Variants in MBNL2 observed in about 807,000 individuals in gnomAD.
MBNL2 encodes muscleblind like splicing regulator 2, also known as muscleblind-like protein 2.
Under a neutral mutation model 41.9 loss-of-function variants are expected in MBNL2, and 17 were observed. That is an observed-to-expected ratio of 0.41 (90% CI 0.28 to 0.61). The LOEUF (loss-of-function observed/expected upper bound fraction) is 0.61, where lower values mean the gene tolerates loss of function less well. Ranked by LOEUF, MBNL2 falls within the 20% of genes least tolerant of loss-of-function variation. The pLI is 0.35. For synonymous variants in MBNL2, 195 were observed against 182.9 expected, an observed-to-expected ratio of 1.07 and a Z score of -0.53; for missense variants, 336 against 505.6, an observed-to-expected ratio of 0.66 and a Z score of 3.22.
chr13:97,354,751 A>G (rs750166362), intron 5 of MBNL2, among the ~76,000 whole-genome samples: 4 of 152,224 alleles, frequency 2.6e-5, no homozygotes, highest in Non-Finnish European at 4.4e-5. Context: ...GTTCATGAAT[A>G]TCAGCCTTTA....
At chr13:97,360,961 T>G (rs549345134) in intron 7 of MBNL2, among the ~76,000 whole-genome samples, 1 of 152,238 alleles carries the variant, frequency 6.6e-6, no homozygotes, top group Non-Finnish European at 1.5e-5. Flanking sequence ...TGGTGAAAGA[T>G]TGATCAGTGT....
At chr13:97,305,305 T>C (rs2058026295) in intron 2 of MBNL2, among the ~76,000 whole-genome samples, 1 of 152,220 alleles carries the variant, frequency 6.6e-6, no homozygotes, top group Non-Finnish European at 1.5e-5. Flanking sequence ...AACAGGAGAA[T>C]TTCTATTTAC....
chr13:97,280,532 C>T (rs1005706892), intron 2 of MBNL2, among the ~76,000 whole-genome samples: 30 of 152,264 alleles, frequency 2.0e-4, no homozygotes, highest in East Asian at 1.9e-3. Flanking sequence ...CAGCGAGATC[C>T]TTTTTAACAC....
chr13:97,160,572 A>G, the MBNL2 span, among the ~76,000 whole-genome samples: 1 of 152,084 alleles, frequency 6.6e-6, no homozygotes, highest in South Asian at 2.1e-4. Flanking sequence ...ACACACACAC[A>G]TGCACACACA....
chr13:97,247,054 G>A (rs932197560), intron 1 of MBNL2, among the ~76,000 whole-genome samples: 2 of 152,102 alleles, frequency 1.3e-5, no homozygotes, highest in Non-Finnish European at 1.5e-5. Flanking sequence ...AATTCTTTGA[G>A]TACCTATTGT....
At chr13:97,235,988 C>A (rs1175151678) in intron 1 of MBNL2, among the ~76,000 whole-genome samples, 1 of 151,884 alleles carries the variant, frequency 6.6e-6, no homozygotes, top group Non-Finnish European at 1.5e-5. Context: ...CGGTGATGGG[C>A]GTTGGAGCTG....
intron 1 of MBNL2, among the ~76,000 whole-genome samples, chr13:97,224,805 G>A (rs184765506): frequency 2.6e-5 from 4 of 152,228 alleles, no homozygotes; most frequent in Non-Finnish European, 5.9e-5. Context: ...AAATTTTTTA[G>A]GGATACTTTT....
At chr13:97,314,006 C>G (rs2058824343) in intron 2 of MBNL2, among the ~76,000 whole-genome samples, 1 of 152,198 alleles carries the variant, frequency 6.6e-6, no homozygotes, top group South Asian at 2.1e-4. Context: ...GTAATATGTT[C>G]TAGTGCATTA....
At chr13:97,335,463 G>A (rs909821238) in intron 3 of MBNL2, among the ~76,000 whole-genome samples, 6 of 152,168 alleles carry the variant, frequency 3.9e-5, no homozygotes, top group African/African-American at 1.2e-4. Flanking sequence ...TGTTCCCTGT[G>A]AGATGGGGTG....
intron 1 of MBNL2, among the ~76,000 whole-genome samples, chr13:97,229,525 C>A (rs1457392325): frequency 1.3e-5 from 2 of 151,944 alleles, no homozygotes; most frequent in African/African-American, 4.8e-5. Flanking sequence ...ATAAAGTAAC[C>A]ATCCTTAGTG....
the MBNL2 span, among the ~76,000 whole-genome samples, chr13:97,164,563 A>G: frequency 6.6e-6 from 1 of 152,212 alleles, no homozygotes; most frequent in Admixed American, 6.5e-5. Flanking sequence ...CCAAAATGCA[A>G]AGAGAGAAGT....
At chr13:97,391,174 A>T in intron 8 of MBNL2, 148 bp from the exon 9 acceptor site, 7 of 589,662 alleles carry the variant, frequency 1.2e-5, no homozygotes. Flanking sequence ...AAGGGCGGGT[A>T]TTGTGCAAAT....
chr13:97,324,140 A>C (rs2059725022), intron 2 of MBNL2, among the ~76,000 whole-genome samples: 1 of 152,170 alleles, frequency 6.6e-6, no homozygotes, highest in Non-Finnish European at 1.5e-5. Flanking sequence ...ATCTTAGCTT[A>C]AATGTTAAAT....
the MBNL2 span, among the ~76,000 whole-genome samples, chr13:97,144,725 G>A: frequency 2.0e-5 from 3 of 152,036 alleles, no homozygotes; most frequent in Non-Finnish European, 2.9e-5. Flanking sequence ...GAGCCACCCC[G>A]CCCAGCCTAG....
intron 2 of MBNL2, among the ~76,000 whole-genome samples, chr13:97,287,043 A>G (rs1034756347): frequency 6.6e-6 from 1 of 152,190 alleles, no homozygotes; most frequent in African/African-American, 2.4e-5. Flanking sequence ...TAAAATTCAA[A>G]TCGCTTTTCT....
At chr13:97,202,310 GTTAACT>G in the MBNL2 span, among the ~76,000 whole-genome samples, 1 of 152,160 alleles carries the variant, frequency 6.6e-6, no homozygotes, top group Non-Finnish European at 1.5e-5. Context: ...ATAACGAAAA[GTTAACT>G]TTAACAAACA....
At chr13:97,218,866 G>T (rs565002040), upstream of MBNL2, among the ~76,000 whole-genome samples, 10 of 151,222 alleles carry the variant, frequency 6.6e-5, no homozygotes, top group East Asian at 1.7e-3. Context: ...GTTACGGAGC[G>T]CCTCCACCGT....
the MBNL2 span, among the ~76,000 whole-genome samples, chr13:97,179,997 TA>T: frequency 6.6e-6 from 1 of 152,124 alleles, no homozygotes; most frequent in Admixed American, 6.5e-5. Flanking sequence ...CAGATTTTCA[TA>T]AAAAAATGAG....
the MBNL2 span, among the ~76,000 whole-genome samples, chr13:97,208,448 C>T: frequency 6.6e-6 from 1 of 152,206 alleles, no homozygotes; most frequent in Non-Finnish European, 1.5e-5. Flanking sequence ...GAACCCACAG[C>T]TTGGCCCAGA....
Sources: allele counts gnomAD v4.1 joint callset (sites outside exome capture counted in the v4.1 genomes callset), GRCh38; gene constraint gnomAD v4.1.1; transcripts MANE v1.5; gene names NCBI Gene and HGNC (gene_info 2026-07-23, HGNC 2026-07-21).